Variants in DNAH17 observed in about 807,000 individuals in gnomAD.
DNAH17 encodes the protein dynein axonemal heavy chain 17.
Under a neutral mutation model 485.6 loss-of-function variants are expected in DNAH17, and 376 were observed. That is an observed-to-expected ratio of 0.77 (90% CI 0.71 to 0.84). The LOEUF (loss-of-function observed/expected upper bound fraction) is 0.84. Ranked by LOEUF, DNAH17 falls within the 40% of genes least tolerant of loss-of-function variation. The probability of loss-of-function intolerance (pLI) is 0.00; values close to 1 mark genes in which losing one functional copy is unlikely to be tolerated. For missense variants in DNAH17, 6,370 were observed against 5,839.3 expected (o/e 1.09, Z -2.96); for synonymous variants, 3,031 against 2,405.9 (o/e 1.26, Z -7.60).
intron 19 of DNAH17, among the ~76,000 whole-genome samples, chr17:78,536,588 G>A (rs532943136): frequency 6.6e-6 from 1 of 152,138 alleles, no homozygotes; most frequent in Non-Finnish European, 1.5e-5. Context: ...GACTGAGGCG[G>A]GAGGATCAAT....
intron 43 of DNAH17, 41 bp downstream of exon 43, chr17:78,491,402 C>T: frequency 6.2e-7 from 1 of 1,603,228 alleles, no homozygotes; most frequent in Non-Finnish European, 8.5e-7. Flanking sequence ...GTTGTCCCTG[C>T]CTTGGGTGGC....
Position 78,507,272 on chromosome 17 carries a change from C to A in DNAH17, c.4676+6G>T, listed in dbSNP as rs2090511667. The A allele has an allele frequency of 6.2e-7, 1 of 1,613,860 alleles. No homozygotes were observed. Among genetic ancestry groups the A allele is most frequent in the Non-Finnish European group, 8.5e-7 (1 of 1,179,822 alleles). On this transcript the variant is annotated splice_donor_region_variant and intron_variant, in intron 29 of 80. Transcript: ENST00000389840. ...CTCCCCTGGTCTGGATAGGTGTGAG[C>A]CGCACCTCTTCTTCAGGGCCTCCAG... is the stretch of plus-strand genomic sequence containing the variant.
At chr17:78,535,047 A>T (rs1324610702) in intron 19 of DNAH17, among the ~76,000 whole-genome samples, 2 of 151,962 alleles carry the variant, frequency 1.3e-5, no homozygotes, top group African/African-American at 2.4e-5. Flanking sequence ...CTTTCGAGGG[A>T]CCCTTCTCCT....
intron 10 of DNAH17, 97 bp from the exon 11 acceptor site, chr17:78,566,827 G>A: frequency 4.6e-6 from 6 of 1,308,594 alleles, no homozygotes; most frequent in Non-Finnish European, 5.3e-6. Context: ...ACTCGGGACT[G>A]AGGCGCAGCT....
Position 78,486,335 on chromosome 17 carries a change from C to G in DNAH17, c.6990G>C (p.Glu2330Asp). The change falls in exon 45 of 81, where the codon GAG becomes GAC. Residue 2330 changes from glutamate (E) to aspartate (D), a missense_variant. By Grantham distance (45) the Glu-to-Asp change is conservative. Transcript: ENST00000389840. Reference protein sequence around the residue: ...TVIQTILYLLECLLTEKTVPP... With the variant: ...TVIQTILYLLDCLLTEKTVPP... ...GCACGGTCTTCTCCGTGAGCAGGCA[C>G]TCCAGCAGGTACAGAATCGTTTGGA... 1.9e-6 allele frequency: 3 copies of G among 1,613,868 alleles called. No homozygotes were observed. Among genetic ancestry groups the G allele is most frequent in the South Asian group, 1.1e-5 (1 of 91,078 alleles).
chr17:78,490,988 C>A (rs988538041), intron 43 of DNAH17, 141 bp from the exon 44 acceptor site: 13 of 1,108,910 alleles, frequency 1.2e-5, no homozygotes, highest in African/African-American at 3.1e-5. Flanking sequence ...GGCCCACAGC[C>A]CTAGTCCCTT....
intron 14 of DNAH17, among the ~76,000 whole-genome samples, chr17:78,556,707 G>A (rs1045557334): frequency 1.3e-5 from 2 of 152,098 alleles, no homozygotes; most frequent in African/African-American, 4.8e-5. Context: ...ATTGTACAGG[G>A]ATGTTTGTAG....
In DNAH17 at chr17:78,572,737, AG is replaced by A. The variant is rs757642483; in HGVS notation, c.502del (p.Leu168TrpfsTer41). On this transcript the variant is annotated frameshift_variant, in exon 3 of 81. Coordinates refer to ENST00000389840, the MANE Select transcript of DNAH17 (RefSeq NM_173628.4). LOFTEE classifies it high-confidence loss of function. ...GKTLLPIPEH[L>X]GSLDGTLESM... ...CTCCAGCGTGCCATCCAGGCTGCCC[AG>A]GTGCTCCGGAATAGGCAGCAAGGTT... 6.2e-7 allele frequency: 1 copy of A among 1,611,754 alleles called. No homozygotes were observed. Among genetic ancestry groups the A allele is most frequent in the South Asian group, 1.1e-5 (1 of 90,460 alleles).
intron 25 of DNAH17, among the ~76,000 whole-genome samples, chr17:78,519,071 G>A (rs1369164197): frequency 2.0e-5 from 3 of 149,758 alleles, no homozygotes; most frequent in African/African-American, 7.4e-5. Context: ...GGGAGGCTGA[G>A]GCAGGAGAAT....
rs76332516 is a variant in DNAH17, at chr17:78,572,858, C to T, written c.382G>A (p.Ala128Thr). The T allele has an allele frequency of 8.1e-6, 13 of 1,613,890 alleles. 1 individual carries two copies. The East Asian group carries it at 2.7e-4, about 33-fold the overall frequency. ...SSLLNQSENM[A>T]GWPQVVSEDI... ...TCCGAGACCACCTGGGGCCATCCAGCCATGTTCTCACTTTGGTTTAACAGA... is the reference window on the plus strand; with the variant it reads ...TCCGAGACCACCTGGGGCCATCCAGTCATGTTCTCACTTTGGTTTAACAGA... Residue 128 changes from alanine (A) to threonine (T), a missense_variant, in exon 3 of 81, where the codon GCT (alanine) becomes ACT (threonine). Ala to Thr is a moderately conservative substitution (Grantham distance 58). Transcript: ENST00000389840.
chr17:78,517,500 C>A (rs1046242095), intron 25 of DNAH17, among the ~76,000 whole-genome samples: 1 of 152,230 alleles, frequency 6.6e-6, no homozygotes, highest in Admixed American at 6.5e-5. Context: ...TGCTTGGAGT[C>A]CAGCCTCCCT....
Position 78,425,506 on chromosome 17 carries a change from G to A in DNAH17, c.12981C>T (p.Asn4327=), listed in dbSNP as rs767023097. ...TGATGGCCGTGAGGAACGACTGGGG[G>A]TTGAAGAAGCCGGCCAGCCACACGG... is the stretch of plus-strand genomic sequence containing the variant. The part of the protein sequence containing the change: ...PTTVWLAGFF[N]PQSFLTAIMQ... The change falls in exon 80 of 81, where the codon AAC becomes AAT. Residue 4327 remains asparagine, a synonymous_variant. Coordinates refer to ENST00000389840, the MANE Select transcript of DNAH17 (RefSeq NM_173628.4). 1 of 1,613,772 alleles carries A rather than the reference G, an allele frequency of 6.2e-7. No individual in the cohort carries two copies. Among genetic ancestry groups the A allele is most frequent in the African/African-American group, 1.3e-5 (1 of 74,918 alleles).
chr17:78,557,139 C>T (rs192872353), intron 14 of DNAH17, among the ~76,000 whole-genome samples: 66 of 152,290 alleles, frequency 4.3e-4, no homozygotes, highest in Admixed American at 2.6e-3. Flanking sequence ...GTTCTTGAAC[C>T]AAAGAGCTGA....
chr17:78,454,343 A>G (rs2087693663), intron 64 of DNAH17, 127 bp downstream of exon 64: 2 of 695,380 alleles, frequency 2.9e-6, no homozygotes, highest in Non-Finnish European at 4.8e-6. Flanking sequence ...TCCCCAGGCC[A>G]GATTTAAAAC....
At chr17:78,498,545 G>A (rs1281261255) in intron 37 of DNAH17, among the ~76,000 whole-genome samples, 1 of 152,158 alleles carries the variant, frequency 6.6e-6, no homozygotes, top group Non-Finnish European at 1.5e-5. Context: ...CGAAGTCCCT[G>A]CACCCAGGTC....
rs1018081944 is a variant in DNAH17, at chr17:78,449,518, C to A, written c.11107G>T (p.Val3703Leu). The A allele has an allele frequency of 1.3e-6, 2 of 1,596,250 alleles. No homozygotes were observed. The highest frequency in any genetic ancestry group is 1.1e-5 in the South Asian group (1 of 87,940). The change falls in exon 69 of 81, where the codon GTG becomes TTG. Residue 3703 changes from valine to leucine, a missense_variant. Coordinates refer to ENST00000389840, the MANE Select transcript of DNAH17 (RefSeq NM_173628.4). ...TTPANEVKQR[V>L]INLTDEITYS... Reference sequence around the variant, plus strand: ...GTGATCTCGTCCGTCAGGTTGATCACCCGCTGCTTCACCTCGTTGGCAGGG... The same window carrying A: ...GTGATCTCGTCCGTCAGGTTGATCAACCGCTGCTTCACCTCGTTGGCAGGG...
chr17:78,507,970 T>TC (rs1157920810), intron 27 of DNAH17, among the ~76,000 whole-genome samples, 165 bp from the exon 28 acceptor site: 4 of 151,932 alleles, frequency 2.6e-5, no homozygotes, highest in African/African-American at 9.7e-5. Context: ...CGAACCTTCA[T>TC]CCCCCAATGA....
At position 78,476,832 on chromosome 17, in the gene DNAH17, C is replaced by T. The variant is rs61146801; in HGVS notation, c.7993-99G>A. The T allele has an allele frequency of 6.9e-3, 9,557 of 1,385,822 alleles. 487 individuals carry two copies. In the African/African-American group the frequency reaches 0.11, roughly 17 times the overall value. 85.8% of individuals were successfully genotyped at this position (1,385,822 alleles called of 1,614,324 possible). A position where few individuals can be genotyped will look rare whatever the true frequency, so the allele number is the denominator to read the frequency against. Reference sequence around the variant, plus strand: ...TGAGGAGCAGCCCCCTCCCCCGGGGCGAGGGGACCTGTTCAGCTGTTGGCA... The same window carrying T: ...TGAGGAGCAGCCCCCTCCCCCGGGGTGAGGGGACCTGTTCAGCTGTTGGCA... On this transcript the variant is annotated intron_variant, in intron 51 of 80. Coordinates refer to ENST00000389840, the MANE Select transcript of DNAH17 (RefSeq NM_173628.4).
chr17:78,501,662 T>G (rs1055710929), intron 34 of DNAH17, 80 bp downstream of exon 34: 236 of 1,528,218 alleles, frequency 1.5e-4, no homozygotes, highest in East Asian at 2.3e-4. Flanking sequence ...AGTGGCAGGG[T>G]CTGAAGTCCC....
Sources: allele counts gnomAD v4.1 joint callset (sites outside exome capture counted in the v4.1 genomes callset), GRCh38; gene constraint gnomAD v4.1.1; transcripts MANE v1.5; gene names NCBI Gene and HGNC (gene_info 2026-07-23, HGNC 2026-07-21).